Variants in DSE observed in about 807,000 individuals in gnomAD.
The protein encoded by DSE is dermatan-sulfate epimerase.
In DSE, 36 loss-of-function variants were observed where a neutral mutation model predicts 84.4. The ratio of observed to expected loss-of-function variants is 0.43; its 90% CI spans 0.33 to 0.56. The LOEUF (loss-of-function observed/expected upper bound fraction) is 0.56. Among genes scored for constraint, DSE ranks in the 20% least tolerant of loss-of-function variants. The pLI, the probability that DSE is intolerant of heterozygous loss-of-function variation, is 0.06. For missense variants in DSE, 862 were observed against 1,169.6 expected (o/e 0.74, Z 3.84); for synonymous variants, 410 against 430.1 (o/e 0.95, Z 0.58).
intron 2 of DSE, among the ~76,000 whole-genome samples, chr6:116,267,600 TAAG>T (rs1457362316): frequency 6.6e-6 from 1 of 152,148 alleles, no homozygotes; most frequent in Non-Finnish European, 1.5e-5. Context: ...TACAGTAAGC[TAAG>T]GTTAATTTAT....
intron 2 of DSE, among the ~76,000 whole-genome samples, chr6:116,308,118 T>A (rs1456712735): frequency 6.6e-6 from 1 of 152,240 alleles, no homozygotes; most frequent in Non-Finnish European, 1.5e-5. Context: ...CACATATTAC[T>A]ATAGCTCTGT....
intron 2 of DSE, among the ~76,000 whole-genome samples, chr6:116,418,336 G>A (rs1257713888): frequency 6.6e-6 from 1 of 152,210 alleles, no homozygotes; most frequent in Non-Finnish European, 1.5e-5. Flanking sequence ...GAGGAGCCTG[G>A]CTAGGGTTTG....
chr6:116,360,103 A>G (rs992267477), intron 2 of DSE, among the ~76,000 whole-genome samples: 4 of 152,226 alleles, frequency 2.6e-5, no homozygotes, highest in Non-Finnish European at 5.9e-5. Context: ...TAACGCAGGA[A>G]CAGAAAACCA....
At chr6:116,260,596 C>T (rs1414346370) in intron 2 of DSE, among the ~76,000 whole-genome samples, 1 of 152,014 alleles carries the variant, frequency 6.6e-6, no homozygotes, top group African/African-American at 2.4e-5. Flanking sequence ...GGTTGTCTTC[C>T]AGGGTTTTTA....
chr6:116,314,320 T>A (rs1562223716), intron 2 of DSE, among the ~76,000 whole-genome samples: 1 of 152,196 alleles, frequency 6.6e-6, no homozygotes, highest in Non-Finnish European at 1.5e-5. Context: ...AATTCTTAAT[T>A]AACTGTTTTT....
In DSE at chr6:116,348,753, A is replaced by C. The variant is rs1484163110; in HGVS notation, c.-53-50445A>C. ...ATGTCCATCAATGATAGACTGGATTAAGAACATGTGGCACATATACACCAT... is the reference window on the plus strand; with the variant it reads ...ATGTCCATCAATGATAGACTGGATTCAGAACATGTGGCACATATACACCAT... On this transcript the variant is annotated intron_variant, in intron 2 of 3. Transcript: ENST00000430252. 2.6e-5 allele frequency among the ~76,000 whole-genome samples: 4 copies of C among 152,244 alleles called. No homozygotes were observed. In the East Asian group the frequency reaches 7.7e-4, roughly 29 times the overall value.
intron 3 of DSE, among the ~76,000 whole-genome samples, chr6:116,428,596 C>G (rs1783601675): frequency 6.6e-6 from 1 of 152,194 alleles, no homozygotes; most frequent in East Asian, 1.9e-4. Context: ...CCAGAGCCCC[C>G]ACATAAGTAC....
At chr6:116,282,833 TA>T (rs1156656864) in intron 2 of DSE, among the ~76,000 whole-genome samples, 5 of 152,298 alleles carry the variant, frequency 3.3e-5, no homozygotes, top group Admixed American at 1.3e-4. Context: ...CTTTATGTCC[TA>T]TTTTTTTTTA....
chr6:116,408,946 G>A (rs1044864576), intron 2 of DSE, among the ~76,000 whole-genome samples: 6 of 152,166 alleles, frequency 3.9e-5, no homozygotes, highest in African/African-American at 1.2e-4. Flanking sequence ...AAGGGGAGGC[G>A]ATAGTTTGTT....
Position 116,254,457 on chromosome 6 carries a change from C to G in DSE, c.-576+162C>G, listed in dbSNP as rs1001315624. 4 of 338,668 alleles carry G rather than the reference C, an allele frequency of 1.2e-5. No homozygotes were observed. The Admixed American group carries it at 1.5e-4, about 13-fold the overall frequency. 21.0% of individuals were successfully genotyped at this position (338,668 alleles called of 1,614,324 possible). A position where few individuals can be genotyped will look rare whatever the true frequency, so the allele number is the denominator to read the frequency against. On this transcript the variant is annotated intron_variant, in intron 1 of 3. Transcript: ENST00000430252. ...GAAAGTGGATTCACGAACTCACAGG[C>G]CTTCCTTCTTTTAAGGTGTGGATTC...
Position 116,371,041 on chromosome 6 carries a change from C to T in DSE, c.-134C>T. The T allele has an allele frequency of 1.0e-6, 1 of 985,824 alleles. No homozygotes were observed. Among genetic ancestry groups the T allele is most frequent in the Non-Finnish European group, 1.2e-6 (1 of 830,326 alleles). 61.1% of individuals were successfully genotyped at this position (985,824 alleles called of 1,614,324 possible). On this transcript the variant is annotated 5_prime_UTR_variant, in exon 1 of 6. Coordinates refer to ENST00000644252, the MANE Select transcript of DSE (RefSeq NM_013352.4). ...TCGGAGGGGGCCGGGAGCCCGGGCGCCCTGGAGTGAGGAGGACCGGGAGCT... is the reference window on the plus strand; with the variant it reads ...TCGGAGGGGGCCGGGAGCCCGGGCGTCCTGGAGTGAGGAGGACCGGGAGCT...
chr6:116,374,630 C>T (rs983084538), intron 1 of DSE, among the ~76,000 whole-genome samples: 2 of 152,128 alleles, frequency 1.3e-5, no homozygotes, highest in African/African-American at 4.8e-5. Flanking sequence ...AGCCCAAGTC[C>T]GAGGTTGAGG....
intron 2 of DSE, among the ~76,000 whole-genome samples, chr6:116,419,413 G>C (rs1782933214): frequency 6.6e-6 from 1 of 152,158 alleles, no homozygotes; most frequent in Admixed American, 6.6e-5. Context: ...TAACTTATTG[G>C]AGTTTGTTTC....
At chr6:116,425,778 A>G (rs552997657) in intron 2 of DSE, among the ~76,000 whole-genome samples, 1 of 151,430 alleles carries the variant, frequency 6.6e-6, no homozygotes, top group East Asian at 1.9e-4. Flanking sequence ...GCCCGCCAAC[A>G]CGCCCGGCTA....
chr6:116,399,785 G>C (rs1781486062), intron 2 of DSE, 119 bp downstream of exon 2: 3 of 975,560 alleles, frequency 3.1e-6, no homozygotes, highest in Non-Finnish European at 4.5e-6. Context: ...GTGGGGGGAG[G>C]TGTTATTTGT....
chr6:116,262,504 CTCTTTT>C lies in DSE; in HGVS notation c.-54+3539_-54+3544del, dbSNP rs541125640. 3.3e-5 allele frequency among the ~76,000 whole-genome samples: 5 copies of C among 152,230 alleles called. No individual in the cohort carries two copies. In the East Asian group the frequency reaches 5.8e-4, roughly 18 times the overall value. On this transcript the variant is annotated intron_variant, in intron 2 of 3. Coordinates refer to the DSE transcript ENST00000430252. The stretch of plus-strand genomic sequence containing the variant: ...CTGATTGTGTTTATTTGAATCCTCT[CTCTTTT>C]TATCTTTATTAGTCTAGCTAATGGT...
chr6:116,388,416 A>T (rs1217277071), intron 1 of DSE, among the ~76,000 whole-genome samples: 1 of 152,208 alleles, frequency 6.6e-6, no homozygotes, highest in Non-Finnish European at 1.5e-5. Flanking sequence ...ACCCTCATAG[A>T]CACATCCAGA....
intron 2 of DSE, among the ~76,000 whole-genome samples, chr6:116,409,570 C>T (rs1190157688): frequency 3.9e-5 from 6 of 152,326 alleles, no homozygotes; most frequent in African/African-American, 1.2e-4. Flanking sequence ...TGAGCCAACA[C>T]GCCCGGCCAA....
intron 1 of DSE, among the ~76,000 whole-genome samples, chr6:116,391,268 AG>A (rs1780884606): frequency 6.6e-6 from 1 of 152,154 alleles, no homozygotes; most frequent in Non-Finnish European, 1.5e-5. Flanking sequence ...CCTGACCTAA[AG>A]TTTTTTTTTA....
Sources: gnomAD v4.1 joint callset for allele counts (sites outside exome capture counted in the v4.1 genomes callset) on GRCh38, gnomAD v4.1.1 for gene constraint, MANE v1.5 for transcripts, NCBI Gene and HGNC (gene_info 2026-07-23, HGNC 2026-07-21) for gene names.